The following SLC44A5 variants were observed in gnomAD, a reference collection of about 807,000 sequenced individuals.
SLC44A5 encodes solute carrier family 44 member 5.
Under a neutral mutation model 101.8 loss-of-function variants are expected in SLC44A5, and 57 were observed. That is an observed-to-expected ratio of 0.56 (90% CI 0.45 to 0.70). SLC44A5 has a LOEUF of 0.70. Ranked by LOEUF, SLC44A5 falls within the 30% of genes least tolerant of loss-of-function variation. The probability of loss-of-function intolerance (pLI) is 0.00; values close to 1 mark genes in which losing one functional copy is unlikely to be tolerated. For missense variants in SLC44A5, 737 were observed against 853.1 expected (o/e 0.86, Z 1.70); for synonymous variants, 281 against 290.9 (o/e 0.97, Z 0.35).
intron 2 of SLC44A5, among the ~76,000 whole-genome samples, chr1:75,433,415 C>G (rs1236605788): frequency 6.6e-6 from 1 of 152,098 alleles, no homozygotes; most frequent in African/African-American, 2.4e-5. Flanking sequence ...AACCAGCCCT[C>G]ATTAGGAATA....
upstream of SLC44A5, among the ~76,000 whole-genome samples, chr1:75,614,245 TTC>T (rs951758715): frequency 9.0e-4 from 137 of 152,344 alleles, 1 homozygote; most frequent in African/African-American, 3.1e-3. Flanking sequence ...GGTGAATATA[TTC>T]TCTCTTCTTT....
chr1:75,638,187 CTTA>C, the SLC44A5 span, among the ~76,000 whole-genome samples: 1 of 151,834 alleles, frequency 6.6e-6, no homozygotes, highest in Non-Finnish European at 1.5e-5. Flanking sequence ...CATTTATTGT[CTTA>C]TTATAATATT....
the SLC44A5 span, among the ~76,000 whole-genome samples, chr1:75,619,418 A>G: frequency 6.6e-6 from 1 of 152,106 alleles, no homozygotes; most frequent in African/African-American, 2.4e-5. Flanking sequence ...GAGAACTGAG[A>G]GGGTGTGTAC....
chr1:75,333,439 G>A (rs1049570766), intron 4 of SLC44A5, among the ~76,000 whole-genome samples: 4 of 141,058 alleles, frequency 2.8e-5, no homozygotes, highest in African/African-American at 1.1e-4. Flanking sequence ...CTCAATATAT[G>A]AGCTTGTTCT....
In SLC44A5 at chr1:75,227,857, C is replaced by A; in HGVS notation, c.854G>T (p.Gly285Val). ...GTACTGCTGGTAACAGTGCCATATTCCTTGAAAAAGAAAGAAAAACAGAAT... is the reference window on the plus strand; with the variant it reads ...GTACTGCTGGTAACAGTGCCATATTACTTGAAAAAGAAAGAAAAACAGAAT... ...MIGVIGIIGY[G>V]IWHCYQQYTN... Residue 285 changes from glycine (G) to valine (V), a missense_variant and splice_region_variant, in exon 13 of 24, where the codon GGA becomes GTA. This residue lies in a region of SLC44A5 where 665 missense variants were observed against 764.4 expected (regional missense o/e 0.87). Coordinates refer to ENST00000370859, the MANE Select transcript of SLC44A5 (RefSeq NM_001130058.2). 1 of 1,579,816 alleles carries A rather than the reference C, an allele frequency of 6.3e-7. No homozygotes were observed. The highest frequency in any genetic ancestry group is 8.5e-7 in the Non-Finnish European group (1 of 1,170,570).
At chr1:75,662,017 A>G in the SLC44A5 span, among the ~76,000 whole-genome samples, 2 of 152,120 alleles carry the variant, frequency 1.3e-5, no homozygotes, top group Non-Finnish European at 2.9e-5. Context: ...AAAAAAAGGA[A>G]ATCAGTATAT....
chr1:75,238,713 CT>C lies in SLC44A5; in HGVS notation c.533-78del, dbSNP rs991657364. 6.1e-6 allele frequency: 6 copies of C among 986,236 alleles called. No homozygotes were observed. In the African/African-American group the frequency reaches 1.0e-4, roughly 16 times the overall value. 61.1% of individuals were successfully genotyped at this position (986,236 alleles called of 1,614,324 possible). A position where few individuals can be genotyped will look rare whatever the true frequency, so the allele number is the denominator to read the frequency against. The stretch of plus-strand genomic sequence containing the variant: ...TGATGTCCTCCCTTTCTTAAGCTTT[CT>C]GTTATATATAATCAAATTCTTGCTA... On this transcript the variant is annotated intron_variant, in intron 9 of 23. Transcript: ENST00000370859.
the SLC44A5 span, among the ~76,000 whole-genome samples, chr1:75,675,575 ATATAAAAT>A: frequency 6.6e-6 from 1 of 152,218 alleles, no homozygotes; most frequent in East Asian, 1.9e-4. Flanking sequence ...AAAGACTTAA[ATATAAAAT>A]CAAAAACTAT....
At chr1:75,630,973 G>T in the SLC44A5 span, among the ~76,000 whole-genome samples, 1 of 152,198 alleles carries the variant, frequency 6.6e-6, no homozygotes, top group Non-Finnish European at 1.5e-5. Context: ...TGAAATTCTT[G>T]CTGTGCCAGC....
At chr1:75,256,378 T>G (rs1343875002) in intron 6 of SLC44A5, among the ~76,000 whole-genome samples, 1 of 152,098 alleles carries the variant, frequency 6.6e-6, no homozygotes, top group Non-Finnish European at 1.5e-5. Flanking sequence ...AAAAACCTTG[T>G]GGGTAAACAA....
At chr1:75,376,076 G>A (rs371980393) in intron 3 of SLC44A5, among the ~76,000 whole-genome samples, 27 of 152,316 alleles carry the variant, frequency 1.8e-4, no homozygotes, top group South Asian at 6.2e-4. Context: ...AAGGGGTGAC[G>A]GACGCACCTG....
At chr1:75,481,370 A>G (rs570633512) in intron 2 of SLC44A5, among the ~76,000 whole-genome samples, 145 of 152,308 alleles carry the variant, frequency 9.5e-4, no homozygotes, top group African/African-American at 3.2e-3. Flanking sequence ...TAAAACACCA[A>G]AAGCAATGGC....
chr1:75,651,068 T>C, the SLC44A5 span, among the ~76,000 whole-genome samples: 1 of 152,222 alleles, frequency 6.6e-6, no homozygotes, highest in Non-Finnish European at 1.5e-5. Context: ...ATATTTGCCA[T>C]AATTTAATTG....
the SLC44A5 span, among the ~76,000 whole-genome samples, chr1:75,646,199 T>C: frequency 2.1e-4 from 28 of 135,342 alleles, 7 homozygotes; most frequent in Non-Finnish European, 4.6e-4. Flanking sequence ...GGGGATGGCA[T>C]TGAATCTATA....
At chr1:75,574,163 T>C (rs1166787667) in intron 1 of SLC44A5, among the ~76,000 whole-genome samples, 2 of 152,168 alleles carry the variant, frequency 1.3e-5, no homozygotes, top group African/African-American at 4.8e-5. Context: ...AAATATAATG[T>C]TCCCCCTGTG....
At chr1:75,648,764 T>A in the SLC44A5 span, among the ~76,000 whole-genome samples, 2 of 150,608 alleles carry the variant, frequency 1.3e-5, no homozygotes, top group Non-Finnish European at 1.5e-5. Flanking sequence ...TGAACTTTGA[T>A]GGGAAAAAAA....
chr1:75,669,469 C>G, the SLC44A5 span, among the ~76,000 whole-genome samples: 8 of 152,196 alleles, frequency 5.3e-5, no homozygotes, highest in Non-Finnish European at 8.8e-5. Context: ...TGTATAGTCT[C>G]ACCCAGTGGA....
the SLC44A5 span, among the ~76,000 whole-genome samples, chr1:75,707,098 T>C: frequency 6.6e-6 from 1 of 152,226 alleles, no homozygotes; most frequent in African/African-American, 2.4e-5. Context: ...ATTGACCATA[T>C]TTTAATATGT....
Position 75,360,405 on chromosome 1 carries a change from A to G in SLC44A5, c.53-20775T>C, listed in dbSNP as rs537994625. Among the ~76,000 whole-genome samples the G allele has an allele frequency of 9.2e-3, 1,397 of 152,210 alleles. 27 individuals are homozygous for G. The highest frequency in any genetic ancestry group is 0.032 in the African/African-American group (1,338 of 41,522). ...GGCTGGTTTTGAACTCCTGGCTTCA[A>G]GTGATCCTCCCACCTTGGCCTCTCA... On this transcript the variant is annotated intron_variant, in intron 3 of 23. Transcript: ENST00000370859.
Sources: gnomAD v4.1 joint callset for allele counts (sites outside exome capture counted in the v4.1 genomes callset) on GRCh38, gnomAD v4.1.1 for gene constraint, gnomAD v4.1.1 regional missense constraint, MANE v1.5 for transcripts, NCBI Gene and HGNC (gene_info 2026-07-23, HGNC 2026-07-21) for gene names.